TTC34: variants seen among roughly 807,000 people sequenced by gnomAD.
TTC34 encodes tetratricopeptide repeat domain 34, also known as tetratricopeptide repeat protein 34.
Under a neutral mutation model 40.7 loss-of-function variants are expected in TTC34, and 44 were observed. The observed-to-expected ratio is 1.08, with a 90% CI of 0.85 to 1.39. The LOEUF is 1.39. TTC34 is among the 40% of genes most tolerant of loss of function. The probability of loss-of-function intolerance (pLI) is 0.00; values close to 1 mark genes in which losing one functional copy is unlikely to be tolerated. For synonymous variants in TTC34, 422 were observed against 398.6 expected (o/e 1.06, Z -0.70); for missense variants, 884 against 838.0 (o/e 1.05, Z -0.68).
chr1:2,685,271 C>A (rs1271517513), intron 6 of TTC34, among the ~76,000 whole-genome samples: 2 of 97,864 alleles, frequency 2.0e-5, no homozygotes, highest in Non-Finnish European at 4.0e-5. Context: ...TGGAACAGCA[C>A]CCTGCACCCC....
At chr1:2,785,784 A>T (rs1382175710) in intron 5 of TTC34, 35 bp downstream of exon 5, 17 of 1,532,800 alleles carry the variant, frequency 1.1e-5, no homozygotes, top group Non-Finnish European at 1.4e-5. Context: ...GCCTGGCACA[A>T]GACTGGGCCC....
intron 4 of TTC34, among the ~76,000 whole-genome samples, 159 bp downstream of exon 4, chr1:2,787,322 G>C (rs1643603183): frequency 6.6e-6 from 1 of 152,248 alleles, no homozygotes; most frequent in Non-Finnish European, 1.5e-5. Context: ...GGGTCAGGTA[G>C]GTGAGGGCCT....
intron 6 of TTC34, among the ~76,000 whole-genome samples, chr1:2,768,009 G>A (rs1465830196): frequency 1.3e-5 from 2 of 151,156 alleles, no homozygotes; most frequent in Non-Finnish European, 1.5e-5. Flanking sequence ...CGTCCCCTCA[G>A]GTGAGCATCT....
At chr1:2,683,865 A>G (rs56278231) in intron 6 of TTC34, among the ~76,000 whole-genome samples, 86 of 108,324 alleles carry the variant, frequency 7.9e-4, no homozygotes, top group Middle Eastern at 0.011. Context: ...CCTGGAGCAG[A>G]ACCCACACCC....
chr1:2,785,184 G>A lies in TTC34; in HGVS notation c.2059+635C>T, dbSNP rs142051746. ...CACTAAGTGCATGGCCAGGTTCCAC[G>A]TGGCAGCCTGATCTAGGTCCAGGCT... On this transcript the variant is annotated intron_variant, in intron 5 of 8. Transcript: ENST00000401095. 5.2e-3 allele frequency among the ~76,000 whole-genome samples: 796 copies of A among 152,300 alleles called. 1 individual carries two copies. The highest frequency in any genetic ancestry group is 8.7e-3 in the Non-Finnish European group (593 of 68,018).
chr1:2,748,553 A>T (rs1361046887), intron 6 of TTC34, among the ~76,000 whole-genome samples: 1 of 146,854 alleles, frequency 6.8e-6, no homozygotes, highest in Non-Finnish European at 1.5e-5. Flanking sequence ...CTGGAACAGC[A>T]ACCACACCAC....
At chr1:2,769,842 A>G (rs1375283180) in intron 6 of TTC34, among the ~76,000 whole-genome samples, 1 of 90,432 alleles carries the variant, frequency 1.1e-5, no homozygotes, top group African/African-American at 5.4e-5. Context: ...ATCCCAGGTT[A>G]GCATCTGACA....
At chr1:2,648,159 ACTT>A (rs139505964) in intron 6 of TTC34, among the ~76,000 whole-genome samples, 4,017 of 152,106 alleles carry the variant, frequency 0.026, 183 homozygotes, top group African/African-American at 0.092. Flanking sequence ...TCTATGAAGT[ACTT>A]CTTCTCTTAT....
intron 6 of TTC34, among the ~76,000 whole-genome samples, chr1:2,683,815 C>A (rs1485491917): frequency 1.0e-3 from 153 of 148,944 alleles, no homozygotes; most frequent in African/African-American, 3.7e-3. Context: ...CATCTGACAG[C>A]CGGGAACAGC....
At chr1:2,789,454 G>A in intron 3 of TTC34, 49 bp downstream of exon 3, 1 of 1,479,942 alleles carries the variant, frequency 6.8e-7, no homozygotes, top group Non-Finnish European at 9.0e-7. Flanking sequence ...CTACCTCGAA[G>A]GAGACCCGCA....
intron 6 of TTC34, among the ~76,000 whole-genome samples, chr1:2,691,023 A>C (rs1463474968): frequency 1.2e-4 from 8 of 64,830 alleles, no homozygotes; most frequent in African/African-American, 2.6e-4. Flanking sequence ...ACCCACACCA[A>C]CAGGCGAGCA....
exon 3 of TTC34, chr1:2,790,287 G>C (rs985480667): frequency 1.5e-5 from 6 of 398,370 alleles, no homozygotes; most frequent in Admixed American, 8.8e-5. Context: ...TCCTGGGCCC[G>C]GCCGTCCAGG....
At chr1:2,656,504 C>T (rs781616686) in intron 6 of TTC34, among the ~76,000 whole-genome samples, 8 of 106 alleles carry the variant, frequency 0.075, 4 homozygotes, top group Admixed American at 0.11. Flanking sequence ...CACCCCAAGG[C>T]GAGCATCTGA....
intron 6 of TTC34, chr1:2,776,081 C>G (rs1461633745): frequency 7.1e-6 from 1 of 140,368 alleles, no homozygotes; most frequent in Non-Finnish European, 1.5e-5. Context: ...CAGAACCCCA[C>G]AACTTCAAAT....
At chr1:2,756,919 A>C in intron 6 of TTC34, among the ~76,000 whole-genome samples, 1 of 151,996 alleles carries the variant, frequency 6.6e-6, no homozygotes, top group Non-Finnish European at 1.5e-5. Flanking sequence ...ACAGTTGAGC[A>C]TCTGACAGCC....
At position 2,694,826 on chromosome 1, in the gene TTC34, C is replaced by G. The variant is rs1166833909; in HGVS notation, c.2227-49263G>C. On this transcript the variant is annotated intron_variant, in intron 6 of 8. Coordinates refer to ENST00000401095, the Ensembl canonical transcript of TTC34. ...AGCATCTGACAGCCTGGAACGACACCCACACCCCCAGGTGAGCATCTGATG... is the reference window on the plus strand; with the variant it reads ...AGCATCTGACAGCCTGGAACGACACGCACACCCCCAGGTGAGCATCTGATG... 3.2e-5 allele frequency among the ~76,000 whole-genome samples: 3 copies of G among 94,508 alleles called. 1 individual carries two copies. Among genetic ancestry groups the G allele is most frequent in the African/African-American group, 1.0e-4 (3 of 28,740 alleles). 62.0% of individuals were successfully genotyped at this position (94,508 alleles called of 152,430 possible).
chr1:2,750,243 C>G (rs1641270586), intron 6 of TTC34, among the ~76,000 whole-genome samples: 2 of 144,266 alleles, frequency 1.4e-5, no homozygotes, highest in African/African-American at 2.6e-5. Context: ...AGCACCCACA[C>G]CCACAGGTGG....
intron 6 of TTC34, among the ~76,000 whole-genome samples, chr1:2,767,688 C>T (rs1345099912): frequency 7.7e-6 from 1 of 130,232 alleles, no homozygotes; most frequent in African/African-American, 3.0e-5. Flanking sequence ...TCTCCAACCC[C>T]AGGTGAGGAT....
chr1:2,697,360 ATAC>A (rs1640915231), intron 6 of TTC34, among the ~76,000 whole-genome samples: 1 of 142,268 alleles, frequency 7.0e-6, no homozygotes. Context: ...AACAGCACCC[ATAC>A]GCCCAGATGA....
Sources: allele counts gnomAD v4.1 joint callset (sites outside exome capture counted in the v4.1 genomes callset), GRCh38; gene constraint gnomAD v4.1.1; transcripts MANE v1.5; gene names NCBI Gene and HGNC (gene_info 2026-07-23, HGNC 2026-07-21).